ANKRD36C: variants seen among roughly 807,000 people sequenced by gnomAD.
ANKRD36C encodes ankyrin repeat domain-containing protein 36C.
ANKRD36C carries 61 observed loss-of-function variants against 276.4 expected under a neutral mutation model. The observed-to-expected ratio is 0.22, with a 90% CI of 0.18 to 0.27. ANKRD36C has a LOEUF of 0.27. Among genes scored for constraint, ANKRD36C ranks in the 10% least tolerant of loss-of-function variants. ANKRD36C has a pLI of 1.00. For missense variants in ANKRD36C, 1,447 were observed against 2,032.3 expected, an observed-to-expected ratio of 0.71 and a Z score of 5.54; for synonymous variants, 483 against 680.1, an observed-to-expected ratio of 0.71 and a Z score of 4.51.
intron 59 of ANKRD36C, among the ~76,000 whole-genome samples, chr2:95,874,552 G>A (rs910662815): frequency 1.3e-5 from 2 of 152,168 alleles, no homozygotes; most frequent in African/African-American, 2.4e-5. Flanking sequence ...AGGCTTAAAC[G>A]TTAGACCTAA....
At chr2:95,893,537 T>C (rs1355533135) in intron 44 of ANKRD36C, 16 of 1,544,920 alleles carry the variant, frequency 1.0e-5, no homozygotes, top group African/African-American at 2.8e-5. Flanking sequence ...AATTACCTGT[T>C]CTAGATTTTT....
rs993276461 is a variant in ANKRD36C at position 95,923,419 on chromosome 2, C to T, written c.2143+76G>A. 6.9e-5 allele frequency: 107 copies of T among 1,543,472 alleles called. 1 individual carries two copies. The highest frequency in any genetic ancestry group is 1.8e-4 in the African/African-American group (13 of 73,146). ...GAATGTGCAGCTTTGATGAGCCCCC[C>T]GCTGATTTATTCAGGGAAGAGAAGT... On this transcript the variant is annotated intron_variant, in intron 32 of 66. Transcript: ENST00000456556.
At chr2:95,991,345 A>C (rs1573824048) in intron 1 of ANKRD36C, among the ~76,000 whole-genome samples, 167 bp downstream of exon 1, 4 of 63,034 alleles carry the variant, frequency 6.3e-5, no homozygotes, top group Admixed American at 1.9e-4. Context: ...ATATACCGCC[A>C]CTCCCCAGGC....
chr2:95,924,752 C>G (rs2104429259), intron 30 of ANKRD36C, among the ~76,000 whole-genome samples: 1 of 151,694 alleles, frequency 6.6e-6, no homozygotes, highest in South Asian at 2.1e-4. Context: ...CGGTAGTCAT[C>G]GGAGCAGTCA....
chr2:95,910,069 T>TACTGAGA lies in ANKRD36C; in HGVS notation c.2653+2168_2653+2174dup, dbSNP rs1238517031. Among the ~76,000 whole-genome samples the TACTGAGA allele has an allele frequency of 2.0e-5, 3 of 151,244 alleles. No homozygotes were observed. In the East Asian group the frequency reaches 5.9e-4, roughly 30 times the overall value. ...CTTCCTCTCTTTCTCCTTCCACCCT[T>TACTGAGA]ACTGAGAACAAGCTGGAGAATTAAA... On this transcript the variant is annotated intron_variant, in intron 42 of 66. Transcript: ENST00000456556.
exon 34 of ANKRD36C, chr2:95,921,676 T>A: frequency 1.9e-6 from 3 of 1,605,378 alleles, no homozygotes; most frequent in Non-Finnish European, 2.5e-6. Flanking sequence ...TCGTCAGTTG[T>A]AGCCTGAATG....
intron 42 of ANKRD36C, among the ~76,000 whole-genome samples, chr2:95,903,360 G>T (rs573608158): frequency 1.3e-5 from 2 of 150,564 alleles, no homozygotes; most frequent in South Asian, 2.1e-4. Flanking sequence ...TGGATATGCC[G>T]AGTGATGAGG....
At chr2:95,890,214 G>T (rs1676308158) in intron 46 of ANKRD36C, among the ~76,000 whole-genome samples, 2 of 151,530 alleles carry the variant, frequency 1.3e-5, no homozygotes, top group South Asian at 2.1e-4. Flanking sequence ...AAGATGCTAT[G>T]ATCTGTCATA....
Position 95,889,914 on chromosome 2 carries a change from T to C in ANKRD36C, c.2887-43A>G, listed in dbSNP as rs779185158. Reference sequence around the variant, plus strand: ...CACAACAGTCAATAAATAAAGTATGTTTCATAGACTATACAGTTAATAGTT... The same window carrying C: ...CACAACAGTCAATAAATAAAGTATGCTTCATAGACTATACAGTTAATAGTT... On this transcript the variant is annotated intron_variant, in intron 47 of 66. Coordinates refer to ENST00000456556, the Ensembl canonical transcript of ANKRD36C. 1.7e-4 allele frequency: 274 copies of C among 1,608,524 alleles called. 1 individual carries two copies. The highest frequency in any genetic ancestry group is 1.7e-4 in the Middle Eastern group (1 of 6,056).
chr2:95,878,830 G>C (rs1438526593), intron 58 of ANKRD36C, among the ~76,000 whole-genome samples: 4 of 152,108 alleles, frequency 2.6e-5, no homozygotes, highest in Non-Finnish European at 5.9e-5. Flanking sequence ...TGAGGATGTG[G>C]AGAAAGCAGA....
chr2:95,859,017 A>G (rs904368201), intron 61 of ANKRD36C, among the ~76,000 whole-genome samples: 1 of 152,134 alleles, frequency 6.6e-6, no homozygotes, highest in African/African-American at 2.4e-5. Flanking sequence ...TATTCCCTAC[A>G]TATTAAGAAT....
intron 42 of ANKRD36C, among the ~76,000 whole-genome samples, chr2:95,909,992 C>T (rs1482592265): frequency 6.6e-6 from 1 of 151,266 alleles, no homozygotes; most frequent in East Asian, 2.0e-4. Flanking sequence ...GTTATTACAA[C>T]AAGTTTTCTG....
In ANKRD36C at chr2:95,978,204, A is replaced by G. The variant is rs192057338; in HGVS notation, c.732-15T>C. ...GTTCAAAAATGCTATGCATAAAAAT[A>G]AATGAAATTAATATTTTAATACTAT... On this transcript the variant is annotated splice_polypyrimidine_tract_variant and intron_variant, in intron 5 of 66. Coordinates refer to ENST00000456556, the Ensembl canonical transcript of ANKRD36C. 8 of 825,598 alleles carry G rather than the reference A, an allele frequency of 9.7e-6. No individual in the cohort carries two copies. Among genetic ancestry groups the G allele is most frequent in the African/African-American group, 8.7e-5 (5 of 57,168 alleles). 51.1% of individuals were successfully genotyped at this position (825,598 alleles called of 1,614,324 possible).
intron 2 of ANKRD36C, 77 bp from the exon 3 acceptor site, chr2:95,987,001 T>C (rs1679040998): frequency 1.9e-6 from 3 of 1,591,070 alleles, no homozygotes; most frequent in Non-Finnish European, 2.6e-6. Context: ...CTACTAGTTA[T>C]ATGGTGGTAT....
Position 95,928,869 on chromosome 2 carries a change from G to A in ANKRD36C, c.1837+203C>T, listed in dbSNP as rs532405385. On this transcript the variant is annotated intron_variant, in intron 26 of 66. Transcript: ENST00000456556. The stretch of plus-strand genomic sequence containing the variant: ...GTTCTTCTTCCCAATTTCAATGTAG[G>A]GAAGTCTACAATCTTACTACTCAGA... Among the ~76,000 whole-genome samples the A allele has an allele frequency of 1.4e-3, 218 of 151,400 alleles. 1 individual carries two copies. The highest frequency in any genetic ancestry group is 4.7e-3 in the African/African-American group (193 of 41,396).
intron 44 of ANKRD36C, among the ~76,000 whole-genome samples, chr2:95,896,393 C>G: frequency 6.7e-6 from 1 of 148,258 alleles, no homozygotes; most frequent in East Asian, 2.0e-4. Flanking sequence ...TTGAAAATGA[C>G]CATTTTAGGA....
exon 63 of ANKRD36C, chr2:95,855,318 T>G: frequency 6.2e-7 from 1 of 1,609,156 alleles, no homozygotes; most frequent in Non-Finnish European, 8.5e-7. Flanking sequence ...TTTCGAATGA[T>G]TCAATTCATT....
chr2:95,885,914 T>C (rs1450688998), intron 52 of ANKRD36C, 134 bp downstream of exon 72: 1 of 1,502,804 alleles, frequency 6.7e-7, no homozygotes, highest in East Asian at 2.5e-5. Context: ...CCCGAGGACT[T>C]ATTACAAATG....
At position 95,972,206 on chromosome 2, in the gene ANKRD36C, C is replaced by T. The variant is rs1324673608; in HGVS notation, c.799+5916G>A. 2.6e-5 allele frequency among the ~76,000 whole-genome samples: 4 copies of T among 152,160 alleles called. No homozygotes were observed. In the East Asian group the frequency reaches 7.7e-4, roughly 29 times the overall value. On this transcript the variant is annotated intron_variant, in intron 6 of 66. Transcript: ENST00000456556. The stretch of plus-strand genomic sequence containing the variant: ...TGTCACCATTTCCTGAGAAAAGTAG[C>T]TCACTATACCTAAACTGTTTGCATA...
Sources: gnomAD v4.1 joint callset for allele counts (sites outside exome capture counted in the v4.1 genomes callset) on GRCh38, gnomAD v4.1.1 for gene constraint, MANE v1.5 for transcripts, NCBI Gene and HGNC (gene_info 2026-07-23, HGNC 2026-07-21) for gene names.